Variants in CNPPD1 observed in about 807,000 individuals in gnomAD.
CNPPD1 encodes cyclin Pas1/PHO80 domain containing 1, also known as protein CNPPD1.
A neutral mutation model predicts 43.7 loss-of-function variants in CNPPD1; 40 were observed. The ratio of observed to expected loss-of-function variants is 0.92; its 90% CI spans 0.71 to 1.19. CNPPD1 has a LOEUF of 1.19. Ranked by LOEUF, CNPPD1 falls within the 50% of genes most tolerant of loss-of-function variation. The pLI, the probability that CNPPD1 is intolerant of heterozygous loss-of-function variation, is 0.00. For missense variants in CNPPD1, 511 were observed against 518.5 expected, an observed-to-expected ratio of 0.99 and a Z score of 0.14; for synonymous variants, 208 against 214.3, an observed-to-expected ratio of 0.97 and a Z score of 0.26.
At position 219,173,393 on chromosome 2, in the gene CNPPD1, G is replaced by A. The variant is rs916632128; in HGVS notation, c.647C>T (p.Thr216Ile). 6.2e-7 allele frequency: 1 copy of A among 1,613,640 alleles called. No homozygotes were observed. Among genetic ancestry groups the A allele is most frequent in the African/African-American group, 1.3e-5 (1 of 75,016 alleles). Residue 216 changes from threonine (T) to isoleucine (I), a missense_variant, in exon 7 of 8, where the codon ACC becomes ATC. Thr to Ile is a moderately conservative substitution (Grantham distance 89). Transcript: ENST00000360507. ...TDLCVLLEQP[T>I]WQLALGSLCQ... is the part of the protein sequence containing the mutation. ...GAGGGAGCCCAGGGCCAACTGCCAG[G>A]TCGGCTGCTCCAGCAGCACACACAG...
intron 3 of CNPPD1, 92 bp from the exon 4 acceptor site, chr2:219,175,200 T>C (rs1950139549): frequency 2.1e-6 from 3 of 1,461,600 alleles, no homozygotes; most frequent in East Asian, 4.7e-5. Context: ...CCTCTTATCT[T>C]TGGAAAAAAA....
intron 7 of CNPPD1, 84 bp from the exon 8 acceptor site, chr2:219,173,212 G>T: frequency 1.4e-6 from 2 of 1,460,260 alleles, no homozygotes; most frequent in South Asian, 1.3e-5. Flanking sequence ...CCAGTTGGAG[G>T]TCTCTATAGC....
chr2:219,174,706 A>C (rs1234839829), intron 5 of CNPPD1, 72 bp downstream of exon 5: 6 of 1,512,552 alleles, frequency 4.0e-6, no homozygotes, highest in Non-Finnish European at 5.3e-6. Flanking sequence ...GAAGACTGAG[A>C]GAGAACAAAG....
rs371596927 is a variant in CNPPD1 at position 219,176,833 on chromosome 2, C to G, written c.-5G>C. The G allele has an allele frequency of 3.8e-5, 60 of 1,567,086 alleles. No homozygotes were observed. Among genetic ancestry groups the G allele is most frequent in the Non-Finnish European group, 5.1e-5 (59 of 1,156,540 alleles). The stretch of plus-strand genomic sequence containing the variant: ...CAGGAGCCCGGTCAGGTCCATCGCG[C>G]CGCCAGTCGCCGCCCTGCGAAGGTG... On this transcript the variant is annotated 5_prime_UTR_variant, in exon 1 of 8. Transcript: ENST00000360507.
Position 219,172,924 on chromosome 2 carries a change from G to A in CNPPD1, c.895C>T (p.Leu299=), listed in dbSNP as rs756456447. ...LPSLANVSSC[L]EGSMGLRSLW... is the part of the protein sequence containing the mutation. ...GACCGCAGCCCCATGCTGCCTTCCAGGCAGCTGGAGACATTAGCGAGAGAC... is the reference window on the plus strand; with the variant it reads ...GACCGCAGCCCCATGCTGCCTTCCAAGCAGCTGGAGACATTAGCGAGAGAC... The change falls in exon 8 of 8, where the codon CTG becomes TTG. Residue 299 remains leucine (L), a synonymous_variant. Transcript: ENST00000360507. The A allele has an allele frequency of 6.2e-6, 10 of 1,613,044 alleles. No individual in the cohort carries two copies.
intron 6 of CNPPD1, among the ~76,000 whole-genome samples, chr2:219,173,913 A>C (rs988179595): frequency 3.9e-5 from 6 of 152,162 alleles, no homozygotes; most frequent in Admixed American, 6.5e-5. Flanking sequence ...GAGTGCTAGG[A>C]TTATAGACAT....
Position 219,172,484 on chromosome 2 carries a change from C to G in CNPPD1, c.*102G>C. On this transcript the variant is annotated 3_prime_UTR_variant, in exon 8 of 8. Transcript: ENST00000360507. ...GCTCCCACCCAGGAGGACAGGGGAC[C>G]TGCCAAGGACCCAGCGAGGCAGACA... is the stretch of plus-strand genomic sequence containing the variant. 7.8e-7 allele frequency: 1 copy of G among 1,285,434 alleles called. No homozygotes were observed. Among genetic ancestry groups the G allele is most frequent in the South Asian group, 1.3e-5 (1 of 79,620 alleles). The allele number at this position is 1,285,434 out of a possible 1,614,324, so 79.6% of individuals were successfully genotyped here. A position where few individuals can be genotyped will look rare whatever the true frequency, so the allele number is the denominator to read the frequency against.
In CNPPD1 at chr2:219,172,375, C is replaced by T. The variant is rs11236; in HGVS notation, c.*211G>A. 330,744 of 604,970 alleles carry T rather than the reference C, an allele frequency of 0.55. 95,308 individuals carry two copies. Among genetic ancestry groups the T allele is most frequent in the Non-Finnish European group, 0.61 (208,087 of 341,974 alleles). 37.5% of individuals were successfully genotyped at this position (604,970 alleles called of 1,614,324 possible). On this transcript the variant is annotated 3_prime_UTR_variant, in exon 8 of 8. Transcript: ENST00000360507. Reference sequence around the variant, plus strand: ...GTCACCAAGCGGAAGCTCTCCCTGGCGGCATCACTGTCCTGGCCAAGCAGC... The same window carrying T: ...GTCACCAAGCGGAAGCTCTCCCTGGTGGCATCACTGTCCTGGCCAAGCAGC...
chr2:219,174,838 A>C lies in CNPPD1; in HGVS notation c.450T>G (p.Ala150=). 1 of 1,614,126 alleles carries C rather than the reference A, an allele frequency of 6.2e-7. No homozygotes were observed. The highest frequency in any genetic ancestry group is 1.1e-5 in the South Asian group (1 of 91,076). The change falls in exon 5 of 8, where the codon GCT becomes GCG. Residue 150 remains alanine (A), a synonymous_variant. Coordinates refer to ENST00000360507, the MANE Select transcript of CNPPD1 (RefSeq NM_015680.6). ...GAGTGGGCACGGCCACACCCCCAGCAGCTCCCCATTCGTCGTTGAAGACCT... is the reference window on the plus strand; with the variant it reads ...GAGTGGGCACGGCCACACCCCCAGCCGCTCCCCATTCGTCGTTGAAGACCT... The part of the protein sequence containing the change: ...EEEVFNDEWG[A]AGGVAVPTLN...
chr2:219,172,751 G>A lies in CNPPD1; in HGVS notation c.1068C>T (p.Asn356=), dbSNP rs772095771. 5.0e-6 allele frequency: 8 copies of A among 1,611,488 alleles called. No homozygotes were observed. The highest frequency in any genetic ancestry group is 5.9e-6 in the Non-Finnish European group (7 of 1,178,644). The change falls in exon 8 of 8, where the codon AAC becomes AAT. Residue 356 remains asparagine (N), a synonymous_variant. Coordinates refer to ENST00000360507, the MANE Select transcript of CNPPD1 (RefSeq NM_015680.6). ...SPTCHACLHP[N]RTVPTALSSP... ...TGGACAGCGCAGTGGGGACTGTACG[G>A]TTGGGGTGGAGGCAGGCATGGCAGG...
At chr2:219,173,995 A>C in intron 6 of CNPPD1, 151 bp downstream of exon 6, 1 of 744,640 alleles carries the variant, frequency 1.3e-6, no homozygotes, top group East Asian at 2.5e-5. Flanking sequence ...GATGAAGAAG[A>C]GGACAGATGG....
At chr2:219,176,652 G>C (rs1240854521) in intron 1 of CNPPD1, 108 bp downstream of exon 1, 6 of 888,750 alleles carry the variant, frequency 6.8e-6, no homozygotes, top group Non-Finnish European at 1.0e-5. Flanking sequence ...AGCACTGCTC[G>C]AGCAGCTGCC....
chr2:219,174,961 T>C, intron 4 of CNPPD1, 27 bp downstream of exon 4: 3 of 1,614,014 alleles, frequency 1.9e-6, no homozygotes, highest in Non-Finnish European at 2.5e-6. Context: ...CTTGGCTCTT[T>C]AGGGAGATGG....
Position 219,176,822 on chromosome 2 carries a change from G to C in CNPPD1, c.7C>G (p.Leu3Val). The C allele has an allele frequency of 6.3e-6, 10 of 1,576,228 alleles. No homozygotes were observed. The highest frequency in any genetic ancestry group is 8.6e-6 in the Non-Finnish European group (10 of 1,161,698). The change falls in exon 1 of 8, where the codon CTG becomes GTG. Residue 3 changes from leucine (L) to valine (V), a missense_variant. Coordinates refer to ENST00000360507, the MANE Select transcript of CNPPD1 (RefSeq NM_015680.6). ...TCTTCGTCCAGCAGGAGCCCGGTCA[G>C]GTCCATCGCGCCGCCAGTCGCCGCC... MD[L>V]TGLLLDEEGT...
chr2:219,176,968 G>T, upstream of CNPPD1: 1 of 651,790 alleles, frequency 1.5e-6, no homozygotes, highest in Non-Finnish European at 2.6e-6. Flanking sequence ...CGCCCTCGCA[G>T]CTCCCTCCCC....
rs756576301 is a variant in CNPPD1, at chr2:219,176,301, G to A, written c.100C>T (p.Arg34Trp). Reference sequence around the variant, plus strand: ...CCATAGTAGAGCCTCCTTCGGATCCGGGCACTCAGCTTCTGGTGTCCTGGG... The same window carrying A: ...CCATAGTAGAGCCTCCTTCGGATCCAGGCACTCAGCTTCTGGTGTCCTGGG... Reference protein sequence around the residue: ...FLPGHQKLSARIRRRLYYGWD... With the variant: ...FLPGHQKLSAWIRRRLYYGWD... The change falls in exon 2 of 8, where the codon CGG (arginine) becomes TGG (tryptophan). Residue 34 changes from arginine (R) to tryptophan (W), a missense_variant. Arg to Trp is a moderately radical substitution (Grantham distance 101). Transcript: ENST00000360507. 2.5e-6 allele frequency: 4 copies of A among 1,614,144 alleles called. No individual in the cohort carries two copies. Among genetic ancestry groups the A allele is most frequent in the Middle Eastern group, 1.6e-4 (1 of 6,062 alleles).
At chr2:219,174,307 T>C (rs1950123829) in intron 5 of CNPPD1, 100 bp from the exon 6 acceptor site, 3 of 1,191,460 alleles carry the variant, frequency 2.5e-6, no homozygotes, top group Admixed American at 1.7e-5. Context: ...CTATGGCTAA[T>C]GCATATTTGG....
chr2:219,172,358 G>A lies in CNPPD1; in HGVS notation c.*228C>T. Reference sequence around the variant, plus strand: ...TCTGGGACATGTCCCTGGTCACCAAGCGGAAGCTCTCCCTGGCGGCATCAC... The same window carrying A: ...TCTGGGACATGTCCCTGGTCACCAAACGGAAGCTCTCCCTGGCGGCATCAC... On this transcript the variant is annotated 3_prime_UTR_variant, in exon 8 of 8. Coordinates refer to ENST00000360507, the MANE Select transcript of CNPPD1 (RefSeq NM_015680.6). The A allele has an allele frequency of 1.7e-6, 1 of 584,442 alleles. No homozygotes were observed. The highest frequency in any genetic ancestry group is 3.0e-6 in the Non-Finnish European group (1 of 329,142). The allele number at this position is 584,442 out of a possible 1,614,324, so 36.2% of individuals were successfully genotyped here.
intron 7 of CNPPD1, 81 bp from the exon 8 acceptor site, chr2:219,173,209 G>A: frequency 6.8e-7 from 1 of 1,474,324 alleles, no homozygotes; most frequent in East Asian, 2.3e-5. Context: ...GTTCCAGTTG[G>A]AGGTCTCTAT....
Sources: gnomAD v4.1 joint callset for allele counts (sites outside exome capture counted in the v4.1 genomes callset) on GRCh38, gnomAD v4.1.1 for gene constraint, MANE v1.5 for transcripts, NCBI Gene and HGNC (gene_info 2026-07-23, HGNC 2026-07-21) for gene names.